Variants in PCDHGA8 observed in about 807,000 individuals in gnomAD.
The protein encoded by PCDHGA8 is protocadherin gamma subfamily A, 8, also known as protocadherin gamma-A8.
Under a neutral mutation model 59.2 loss-of-function variants are expected in PCDHGA8, and 45 were observed. The ratio of observed to expected loss-of-function variants is 0.76; its 90% CI spans 0.60 to 0.98. The LOEUF (loss-of-function observed/expected upper bound fraction) is 0.98, where lower values mean the gene tolerates loss of function less well. Ranked by LOEUF, PCDHGA8 falls within the 50% of genes least tolerant of loss-of-function variation. PCDHGA8 has a pLI of 0.00. For synonymous variants in PCDHGA8, 531 were observed against 519.0 expected (o/e 1.02, Z -0.32); for missense variants, 1,257 against 1,196.2 (o/e 1.05, Z -0.75).
intron 1 of PCDHGA8, chr5:141,400,383 T>C (rs1267422491): frequency 6.2e-7 from 1 of 1,614,088 alleles, no homozygotes. Flanking sequence ...ACCTATGTGT[T>C]GCACATACAG....
chr5:141,478,381 C>T (rs931860600), intron 1 of PCDHGA8: 22 of 1,613,664 alleles, frequency 1.4e-5, no homozygotes, highest in Non-Finnish European at 1.8e-5. Flanking sequence ...TGTCGCCGCA[C>T]CTTTACCATC....
intron 1 of PCDHGA8, among the ~76,000 whole-genome samples, chr5:141,459,664 T>A (rs766213146): frequency 1.3e-5 from 2 of 152,262 alleles, no homozygotes; most frequent in Non-Finnish European, 2.9e-5. Flanking sequence ...TCACTTTACA[T>A]TTTCATGAGC....
chr5:141,408,055 C>T lies in PCDHGA8; in HGVS notation c.2424+12818C>T, dbSNP rs1012762205. 35 of 1,299,012 alleles carry T rather than the reference C, an allele frequency of 2.7e-5. No homozygotes were observed. In the South Asian group the frequency reaches 3.8e-4, roughly 14 times the overall value. 80.5% of individuals were successfully genotyped at this position (1,299,012 alleles called of 1,614,324 possible). On this transcript the variant is annotated intron_variant, in intron 1 of 3. Coordinates refer to ENST00000398604, the MANE Select transcript of PCDHGA8 (RefSeq NM_032088.2). ...AAAACCAGCTCCCACACAGAGCCTCCCGGCTGCGCAGACCTTTCCCAGCAC... is the reference window on the plus strand; with the variant it reads ...AAAACCAGCTCCCACACAGAGCCTCTCGGCTGCGCAGACCTTTCCCAGCAC...
intron 1 of PCDHGA8, among the ~76,000 whole-genome samples, chr5:141,455,125 A>G (rs952979433): frequency 3.5e-4 from 53 of 151,762 alleles, no homozygotes; most frequent in Non-Finnish European, 1.0e-4. Flanking sequence ...CTAATGTTTT[A>G]AATTACACTG....
At chr5:141,415,306 T>G (rs2095852502) in intron 1 of PCDHGA8, 2 of 1,614,222 alleles carry the variant, frequency 1.2e-6, no homozygotes, top group Non-Finnish European at 8.5e-7. Context: ...CTTCCTGGCC[T>G]TCGTCATCGT....
rs780788394 is a variant in PCDHGA8 at position 141,491,675 on chromosome 5, C to T, written c.2425-3132C>T. ...GAGCCTGACGCCATCCGGTCCCGCT[C>T]TAATACGCTGCGGGAGCGGAGCCAG... On this transcript the variant is annotated intron_variant, in intron 1 of 3. Transcript: ENST00000398604. The surrounding 1 kb of genome is among the most constrained non-coding windows in gnomAD (Gnocchi z 6.9). 6 of 1,613,450 alleles carry T rather than the reference C, an allele frequency of 3.7e-6. No homozygotes were observed. The African/African-American group carries it at 8.0e-5, about 22-fold the overall frequency.
chr5:141,467,990 A>G (rs1593103654), intron 1 of PCDHGA8, among the ~76,000 whole-genome samples: 2 of 152,052 alleles, frequency 1.3e-5, no homozygotes, highest in South Asian at 2.1e-4. Context: ...GAAAACCACA[A>G]TTCTTTCTTC....
chr5:141,441,840 C>T (rs2098278154), intron 1 of PCDHGA8: 1 of 355,864 alleles, frequency 2.8e-6, no homozygotes, highest in Non-Finnish European at 5.5e-6. Flanking sequence ...GCTTCGCGCT[C>T]TTGGATATGG....
chr5:141,393,844 G>A lies in PCDHGA8; in HGVS notation c.1031G>A (p.Arg344Lys), dbSNP rs1158027980. The A allele has an allele frequency of 6.2e-7, 1 of 1,613,966 alleles. No homozygotes were observed. Among genetic ancestry groups the A allele is most frequent in the Admixed American group, 1.7e-5 (1 of 60,020 alleles). ...LISVEDVNDNRPEVIITSLFS... is the reference protein window; with the variant it reads ...LISVEDVNDNKPEVIITSLFS... Reference sequence around the variant, plus strand: ...TCGGTGGAAGATGTAAATGACAATAGACCAGAAGTGATCATTACGTCTTTG... The same window carrying A: ...TCGGTGGAAGATGTAAATGACAATAAACCAGAAGTGATCATTACGTCTTTG... The change falls in exon 1 of 4, where the codon AGA (arginine) becomes AAA (lysine). Residue 344 changes from arginine (R) to lysine (K), a missense_variant. Physicochemically the swap from Arg to Lys is conservative, Grantham distance 26 (BLOSUM62 2). Transcript: ENST00000398604.
chr5:141,505,653 G>A (rs1049630228), intron 3 of PCDHGA8, among the ~76,000 whole-genome samples, 172 bp downstream of exon 3: 1 of 152,184 alleles, frequency 6.6e-6, no homozygotes, highest in Non-Finnish European at 1.5e-5. Context: ...TTGTGGCTAA[G>A]GAACAGCAGA....
At chr5:141,435,214 A>C (rs1314928643) in intron 1 of PCDHGA8, among the ~76,000 whole-genome samples, 1 of 152,176 alleles carries the variant, frequency 6.6e-6, no homozygotes, top group Non-Finnish European at 1.5e-5. Flanking sequence ...AAGTGAATTT[A>C]CTTTCTTTCA....
At position 141,410,277 on chromosome 5, in the gene PCDHGA8, T is replaced by C. The variant is rs1461250700; in HGVS notation, c.2424+15040T>C. 2.5e-6 allele frequency: 4 copies of C among 1,614,014 alleles called. No homozygotes were observed. In the Admixed American group the frequency reaches 6.7e-5, roughly 27 times the overall value. ...CCCCAGGCTGAACTGCAGTTTTACC[T>C]GGTGGTGGCCTTGGCCTTAATCTCA... On this transcript the variant is annotated intron_variant, in intron 1 of 3. Transcript: ENST00000398604.
In PCDHGA8 at chr5:141,500,452, G is replaced by A. The variant is rs554196222; in HGVS notation, c.2484-4941G>A. 2.6e-3 allele frequency among the ~76,000 whole-genome samples: 398 copies of A among 151,620 alleles called. 2 individuals carry two copies. The highest frequency in any genetic ancestry group is 0.021 in the South Asian group (99 of 4,798). On this transcript the variant is annotated intron_variant, in intron 2 of 3. Transcript: ENST00000398604. ...TCTCGATCTCCTGACCTCGTGATCC[G>A]CCCGCCTCGGCCTCCCAAAGTGCTG... is the stretch of plus-strand genomic sequence containing the variant.
intron 1 of PCDHGA8, among the ~76,000 whole-genome samples, chr5:141,436,594 G>T (rs79477223): frequency 0.052 from 7,980 of 152,210 alleles, 223 homozygotes; most frequent in South Asian, 0.079. Flanking sequence ...AAAGGTCGTG[G>T]TGATGGCTAG....
chr5:141,510,814 CT>C, intron 3 of PCDHGA8, 132 bp from the exon 4 acceptor site: 1 of 1,544,688 alleles, frequency 6.5e-7, no homozygotes, highest in Non-Finnish European at 8.8e-7. Context: ...TTGGTGACCC[CT>C]ATATTCCCAG....
chr5:141,409,033 A>T, intron 1 of PCDHGA8: 1 of 1,614,028 alleles, frequency 6.2e-7, no homozygotes, highest in Non-Finnish European at 8.5e-7. Context: ...ATGCTGAGAT[A>T]AACTACTACT....
chr5:141,458,408 C>T (rs895785923), intron 1 of PCDHGA8, among the ~76,000 whole-genome samples: 3 of 151,932 alleles, frequency 2.0e-5, no homozygotes, highest in Non-Finnish European at 2.9e-5. Context: ...AGAGACGGAG[C>T]GGGGGTTCCA....
At chr5:141,410,513 G>C in intron 1 of PCDHGA8, 1 of 1,613,954 alleles carries the variant, frequency 6.2e-7, no homozygotes, top group Non-Finnish European at 8.5e-7. Context: ...AAAATGCAGT[G>C]TGCCCCTACA....
Position 141,464,802 on chromosome 5 carries a change from A to G in PCDHGA8, c.2425-30005A>G, listed in dbSNP as rs545738780. ...TGCCCAGGCCAAATTGCAGTGATGC[A>G]GTCATAGCTCACTGTAGCCTCGCAC... On this transcript the variant is annotated intron_variant, in intron 1 of 3. Transcript: ENST00000398604. Among the ~76,000 whole-genome samples, 25 of 152,032 alleles carry G rather than the reference A, an allele frequency of 1.6e-4. No homozygotes were observed. In the East Asian group the frequency reaches 4.8e-3, roughly 29 times the overall value.
Sources: gnomAD v4.1 joint callset for allele counts (sites outside exome capture counted in the v4.1 genomes callset) on GRCh38, gnomAD v4.1.1 for gene constraint, Gnocchi (gnomAD v3.1) non-coding constraint, MANE v1.5 for transcripts, NCBI Gene and HGNC (gene_info 2026-07-23, HGNC 2026-07-21) for gene names.